Variants in ADAM23 observed in about 807,000 individuals in gnomAD.
ADAM23 encodes disintegrin and metalloproteinase domain-containing protein 23.
In ADAM23, 33 loss-of-function variants were observed where a neutral mutation model predicts 120.1. The observed-to-expected ratio is 0.27, with a 90% CI of 0.21 to 0.37. The LOEUF (loss-of-function observed/expected upper bound fraction) is 0.37. Ranked by LOEUF, ADAM23 falls within the 10% of genes least tolerant of loss-of-function variation. The pLI, the probability that ADAM23 is intolerant of heterozygous loss-of-function variation, is 1.00. For missense variants in ADAM23, 862 were observed against 1,058.2 expected, an observed-to-expected ratio of 0.81 and a Z score of 2.57; for synonymous variants, 367 against 375.2, an observed-to-expected ratio of 0.98 and a Z score of 0.25.
chr2:206,551,433 T>C (rs1448188523), intron 9 of ADAM23, among the ~76,000 whole-genome samples: 4 of 152,220 alleles, frequency 2.6e-5, no homozygotes, highest in Non-Finnish European at 1.5e-5. Context: ...AAAAAGTACT[T>C]GTTTTATCAA....
At position 206,569,562 on chromosome 2, in the gene ADAM23, T is replaced by G. The variant is rs115303904; in HGVS notation, c.1495-1178T>G. Among the ~76,000 whole-genome samples the G allele has an allele frequency of 7.0e-3, 1,063 of 152,224 alleles. 20 individuals carry two copies. The highest frequency in any genetic ancestry group is 0.025 in the African/African-American group (1,020 of 41,522). ...TTCCCCACTGCCATGTTTTCCACAC[T>G]GTTGGAGATAGTGACCCGTCTCAGG... On this transcript the variant is annotated intron_variant, in intron 15 of 25. Transcript: ENST00000264377.
intron 6 of ADAM23, 144 bp from the exon 7 acceptor site, chr2:206,547,285 A>G: frequency 1.8e-6 from 1 of 561,634 alleles, no homozygotes; most frequent in Non-Finnish European, 3.1e-6. Flanking sequence ...TTTCAATAAG[A>G]CATACTTTTC....
rs111650516 is a variant in ADAM23, at chr2:206,499,508, G to GTGA, written c.509+18200_509+18201insTGA. Among the ~76,000 whole-genome samples, 3 of 128,184 alleles carry GTGA rather than the reference G, an allele frequency of 2.3e-5. No individual in the cohort carries two copies. In the Admixed American group the frequency reaches 2.4e-4, roughly 10 times the overall value. The allele number at this position is 128,184 out of a possible 152,430, so 84.1% of individuals were successfully genotyped here. On this transcript the variant is annotated intron_variant, in intron 3 of 25. Transcript: ENST00000264377. ...GGGACTGTTGTGGGGTGGGGGGAGG[G>GTGA]GGGATAGCATTAGGAGATATACCTA...
chr2:206,530,416 T>C (rs563260468), intron 3 of ADAM23, among the ~76,000 whole-genome samples: 102 of 152,294 alleles, frequency 6.7e-4, no homozygotes, highest in African/African-American at 2.0e-3. Flanking sequence ...TCCAACTGTT[T>C]AGGGCATAAT....
intron 3 of ADAM23, among the ~76,000 whole-genome samples, chr2:206,529,797 G>A (rs1197208708): frequency 4.7e-5 from 7 of 149,572 alleles, no homozygotes; most frequent in Non-Finnish European, 7.4e-5. Context: ...ATGTTTATAT[G>A]TGTGTGTGTG....
At chr2:206,477,890 AAAAAAAAATATATATAT>A (rs1174178614) in intron 2 of ADAM23, among the ~76,000 whole-genome samples, 2 of 119,680 alleles carry the variant, frequency 1.7e-5, no homozygotes, top group Non-Finnish European at 3.4e-5. Context: ...TAAAAAAAAA[AAAAAAAAATATATATAT>A]ATATATATAT....
At position 206,571,787 on chromosome 2, in the gene ADAM23, G is replaced by T. The variant is rs1407664125; in HGVS notation, c.1627G>T (p.Gly543Trp). ...CTCCAACGGGGCTCACTGCAGCGAC[G>T]GGCCCTGCTGTAACAATACCTCATG... Reference protein sequence around the residue: ...SLSNGAHCSDGPCCNNTSCLF... With the variant: ...SLSNGAHCSDWPCCNNTSCLF... Residue 543 changes from glycine (G) to tryptophan (W), a missense_variant, in exon 17 of 26, where the codon GGG (glycine) becomes TGG (tryptophan). Coordinates refer to ENST00000264377, the MANE Select transcript of ADAM23 (RefSeq NM_003812.4). The T allele has an allele frequency of 1.9e-6, 3 of 1,613,888 alleles. No individual in the cohort carries two copies. Among genetic ancestry groups the T allele is most frequent in the African/African-American group, 1.3e-5 (1 of 74,908 alleles).
chr2:206,551,107 C>G (rs946878497), intron 9 of ADAM23, among the ~76,000 whole-genome samples: 1 of 152,156 alleles, frequency 6.6e-6, no homozygotes, highest in Non-Finnish European at 1.5e-5. Context: ...GCCTGAAGCC[C>G]AGAAGAGTCT....
intron 24 of ADAM23, among the ~76,000 whole-genome samples, chr2:206,600,173 A>G (rs555269602): frequency 1.4e-4 from 22 of 152,262 alleles, no homozygotes; most frequent in South Asian, 1.0e-3. Flanking sequence ...CTGCACTCCA[A>G]CCTGGGCAAC....
In ADAM23 at chr2:206,547,488, A is replaced by C; in HGVS notation, c.780A>C (p.Gln260His). Residue 260 changes from glutamine (Q) to histidine (H), a missense_variant, in exon 7 of 26, where the codon CAA becomes CAC. Coordinates refer to ENST00000264377, the MANE Select transcript of ADAM23 (RefSeq NM_003812.4). ...QKTLAGQYSKQMKNLTMERGD... is the reference protein window; with the variant it reads ...QKTLAGQYSKHMKNLTMERGD... ...CCTTGGCAGGACAGTATTCTAAGCA[A>C]ATGAAGAATCTCAGTAAGTTTTAAC... 6.2e-7 allele frequency: 1 copy of C among 1,611,806 alleles called. No individual in the cohort carries two copies. Among genetic ancestry groups the C allele is most frequent in the East Asian group, 2.2e-5 (1 of 44,842 alleles).
At position 206,617,962 on chromosome 2, in the gene ADAM23, T is replaced by C. The variant is rs1307403435; in HGVS notation, c.*335T>C. On this transcript the variant is annotated 3_prime_UTR_variant, in exon 26 of 26. Coordinates refer to ENST00000264377, the MANE Select transcript of ADAM23 (RefSeq NM_003812.4). Reference sequence around the variant, plus strand: ...GCAATAAAGGAATCATTAAAAAAAATAGTAAATGATTTTTTTTCCCTCAGC... The same window carrying C: ...GCAATAAAGGAATCATTAAAAAAAACAGTAAATGATTTTTTTTCCCTCAGC... The C allele has an allele frequency of 4.5e-6, 1 of 222,952 alleles. No homozygotes were observed. Among genetic ancestry groups the C allele is most frequent in the East Asian group, 9.7e-5 (1 of 10,350 alleles). 13.8% of individuals were successfully genotyped at this position (222,952 alleles called of 1,614,324 possible). A position where few individuals can be genotyped will look rare whatever the true frequency, so the allele number is the denominator to read the frequency against.
At chr2:206,492,812 G>C (rs958702757) in intron 3 of ADAM23, among the ~76,000 whole-genome samples, 4 of 152,178 alleles carry the variant, frequency 2.6e-5, no homozygotes, top group African/African-American at 9.6e-5. Flanking sequence ...ATTTCCACAT[G>C]AATTTTGGAG....
At chr2:206,563,894 T>TA (rs2105824778) in intron 13 of ADAM23, among the ~76,000 whole-genome samples, 1 of 152,088 alleles carries the variant, frequency 6.6e-6, no homozygotes, top group East Asian at 1.9e-4. Context: ...CACACCCGGC[T>TA]AATTTTTTTG....
intron 6 of ADAM23, among the ~76,000 whole-genome samples, chr2:206,545,121 G>A (rs1038640581): frequency 1.3e-5 from 2 of 152,178 alleles, no homozygotes; most frequent in South Asian, 2.1e-4. Context: ...TATTTTGTGA[G>A]TGATAGAGTT....
chr2:206,485,898 T>C (rs1213277051), intron 3 of ADAM23, among the ~76,000 whole-genome samples: 1 of 152,080 alleles, frequency 6.6e-6, no homozygotes. Context: ...GCCCTGGTTG[T>C]CAAAGAGGAG....
At chr2:206,470,998 T>A (rs550009793) in intron 2 of ADAM23, among the ~76,000 whole-genome samples, 4 of 152,188 alleles carry the variant, frequency 2.6e-5, no homozygotes, top group Non-Finnish European at 5.9e-5. Flanking sequence ...CCTGAAAAAT[T>A]CTGCAAATGG....
At chr2:206,493,708 A>G (rs554320250) in intron 3 of ADAM23, among the ~76,000 whole-genome samples, 56 of 152,274 alleles carry the variant, frequency 3.7e-4, no homozygotes, top group African/African-American at 1.2e-3. Context: ...TTCTACAAAA[A>G]GTTTCACGTC....
chr2:206,513,899 A>G (rs1021093199), intron 3 of ADAM23, among the ~76,000 whole-genome samples: 1 of 152,232 alleles, frequency 6.6e-6, no homozygotes, highest in Non-Finnish European at 1.5e-5. Flanking sequence ...TAAATGGAAC[A>G]ACAAAGCCTG....
Position 206,530,927 on chromosome 2 carries a change from T to G in ADAM23, c.552T>G (p.Asn184Lys), listed in dbSNP as rs758347045. Residue 184 changes from asparagine (N) to lysine (K), a missense_variant, in exon 4 of 26, where the codon AAT (asparagine) becomes AAG (lysine). By Grantham distance (94) the Asn-to-Lys change is moderately conservative. This residue lies in a region of ADAM23 where 617 missense variants were observed against 813.5 expected (regional missense o/e 0.76). Transcript: ENST00000264377. Reference protein sequence around the residue: ...SSDYVEIHYENGKPQYSKGGE... With the variant: ...SSDYVEIHYEKGKPQYSKGGE... Reference sequence around the variant, plus strand: ...ATTATGTGGAGATTCACTACGAAAATGGGAAACCACAGTACTCTAAGGTAC... The same window carrying G: ...ATTATGTGGAGATTCACTACGAAAAGGGGAAACCACAGTACTCTAAGGTAC... 5 of 1,613,796 alleles carry G rather than the reference T, an allele frequency of 3.1e-6. No homozygotes were observed. The African/African-American group carries it at 5.3e-5, about 17-fold the overall frequency.
Sources: allele counts gnomAD v4.1 joint callset (sites outside exome capture counted in the v4.1 genomes callset), GRCh38; gene constraint gnomAD v4.1.1; regional missense constraint gnomAD v4.1.1; transcripts MANE v1.5; gene names NCBI Gene and HGNC (gene_info 2026-07-23, HGNC 2026-07-21).